Variants in COL1A2 observed in about 807,000 individuals in gnomAD.
COL1A2 encodes the protein collagen alpha-2(I) chain.
COL1A2 carries 49 observed loss-of-function variants against 174.3 expected under a neutral mutation model. The ratio of observed to expected loss-of-function variants is 0.28; its 90% CI spans 0.22 to 0.36. The LOEUF is 0.36. COL1A2 is among the 10% of genes least tolerant of loss of function. The probability of loss-of-function intolerance (pLI) is 1.00; values close to 1 mark genes in which losing one functional copy is unlikely to be tolerated. For synonymous variants in COL1A2, 655 were observed against 606.6 expected, an observed-to-expected ratio of 1.08 and a Z score of -1.17; for missense variants, 1,438 against 1,822.7, an observed-to-expected ratio of 0.79 and a Z score of 3.84.
chr7:94,420,770 G>C, intron 37 of COL1A2, 122 bp downstream of exon 37: 2 of 1,009,176 alleles, frequency 2.0e-6, no homozygotes, highest in South Asian at 2.8e-5. Context: ...GGAAAATAAC[G>C]GAAGGATTAA....
At chr7:94,421,352 C>T in intron 38 of COL1A2, 1 of 487,886 alleles carries the variant, frequency 2.0e-6, no homozygotes, top group Non-Finnish European at 3.7e-6. Context: ...GCCCCTTCTT[C>T]TGCCTGACCA....
At position 94,424,737 on chromosome 7, in the gene COL1A2, A is replaced by G. The variant is rs187546067; in HGVS notation, c.2673+294A>G. 4.2e-4 allele frequency: 198 copies of G among 473,856 alleles called. 1 individual carries two copies. In the East Asian group the frequency reaches 7.4e-3, roughly 18 times the overall value. The allele number at this position is 473,856 out of a possible 1,614,324, so 29.4% of individuals were successfully genotyped here. On this transcript the variant is annotated intron_variant, in intron 41 of 51. Coordinates refer to ENST00000297268, the MANE Select transcript of COL1A2 (RefSeq NM_000089.4). ...CTCCTCTGCAATATGAAATGCTGGC[A>G]TCATTTATCCTGTAGGAAGAATGAA...
chr7:94,402,357 T>G (rs1321133654), intron 6 of COL1A2, among the ~76,000 whole-genome samples: 1 of 152,122 alleles, frequency 6.6e-6, no homozygotes, highest in Non-Finnish European at 1.5e-5. Context: ...AATGTTTCTT[T>G]TTCTGAATTT....
At position 94,430,505 on chromosome 7, in the gene COL1A2, C is replaced by G; in HGVS notation, c.*112C>G. On this transcript the variant is annotated 3_prime_UTR_variant, in exon 52 of 52. Transcript: ENST00000297268. ...GAATCCTTCCATTTCTTCTGCACATCTACTTGCTTAAATTGTGGGCAAAAG... is the reference window on the plus strand; with the variant it reads ...GAATCCTTCCATTTCTTCTGCACATGTACTTGCTTAAATTGTGGGCAAAAG... 1.8e-6 allele frequency: 2 copies of G among 1,130,338 alleles called. No homozygotes were observed. The highest frequency in any genetic ancestry group is 2.6e-6 in the Non-Finnish European group (2 of 771,500). The allele number at this position is 1,130,338 out of a possible 1,614,324, so 70.0% of individuals were successfully genotyped here.
At chr7:94,425,894 C>T (rs574503471) in intron 44 of COL1A2, 37 bp downstream of exon 44, 1 of 1,605,664 alleles carries the variant, frequency 6.2e-7, no homozygotes, top group African/African-American at 1.3e-5. Context: ...GTGCAGCATT[C>T]TCGTGGGCTT....
chr7:94,402,508 C>CT (rs1791706886), intron 6 of COL1A2, among the ~76,000 whole-genome samples: 1 of 151,762 alleles, frequency 6.6e-6, no homozygotes, highest in Non-Finnish European at 1.5e-5. Flanking sequence ...GAAACATTCC[C>CT]TATATGATGA....
chr7:94,411,781 A>G (rs951480294), intron 23 of COL1A2, among the ~76,000 whole-genome samples: 4 of 152,246 alleles, frequency 2.6e-5, no homozygotes, highest in Non-Finnish European at 4.4e-5. Flanking sequence ...GAGGTAAATA[A>G]CGTGATACAT....
chr7:94,429,517 G>A (rs544020001), intron 51 of COL1A2, 87 bp downstream of exon 51: 8 of 1,466,348 alleles, frequency 5.5e-6, no homozygotes, highest in Admixed American at 1.7e-5. Flanking sequence ...GGGGTCTAAA[G>A]GGGGGTTAAA....
chr7:94,413,180 C>T (rs780850326), intron 26 of COL1A2, 44 bp downstream of exon 26: 2 of 1,571,042 alleles, frequency 1.3e-6, no homozygotes, highest in East Asian at 4.5e-5. Context: ...TAGCATTCAT[C>T]TAAGAACCAC....
chr7:94,405,845 G>C (rs1194865364), intron 11 of COL1A2, 119 bp downstream of exon 11: 10 of 900,974 alleles, frequency 1.1e-5, no homozygotes, highest in Non-Finnish European at 1.9e-5. Flanking sequence ...GTTTGCCAAA[G>C]GGAAGAAAGA....
intron 22 of COL1A2, 28 bp from the exon 23 acceptor site, chr7:94,411,025 CTCT>C (rs758534367): frequency 8.0e-5 from 127 of 1,593,326 alleles, no homozygotes; most frequent in Non-Finnish European, 1.1e-4. Context: ...CATCCTCCTC[CTCT>C]ATCTGTTTTT....
chr7:94,419,988 C>T (rs182817693), intron 34 of COL1A2, among the ~76,000 whole-genome samples: 145 of 152,322 alleles, frequency 9.5e-4, no homozygotes, highest in Non-Finnish European at 1.6e-3. Flanking sequence ...AAAATGTCCT[C>T]CTCCTGGTAT....
chr7:94,400,043 C>T (rs769088051), intron 4 of COL1A2, 153 bp from the exon 5 acceptor site: 20 of 800,146 alleles, frequency 2.5e-5, no homozygotes, highest in Non-Finnish European at 3.8e-5. Flanking sequence ...AAAATAGACT[C>T]ATAAGTGAAT....
intron 42 of COL1A2, 142 bp from the exon 43 acceptor site, chr7:94,425,468 G>T: frequency 1.0e-6 from 1 of 953,934 alleles, no homozygotes. Flanking sequence ...TAGGTTGGCA[G>T]GTTTTTATCC....
At chr7:94,427,990 C>A in intron 49 of COL1A2, 105 bp downstream of exon 49, 2 of 1,260,656 alleles carry the variant, frequency 1.6e-6, no homozygotes, top group Non-Finnish European at 2.3e-6. Flanking sequence ...GTAAAGATTA[C>A]ATTATGTGAA....
In COL1A2 at chr7:94,406,333, A is replaced by G. The variant is rs533905303; in HGVS notation, c.594+30A>G. ...ATATTAAATTAGAAGCACTGTTTTT[A>G]AGCACTTGATTGAAATTCCCCATGA... is the stretch of plus-strand genomic sequence containing the variant. On this transcript the variant is annotated intron_variant, in intron 12 of 51. Coordinates refer to ENST00000297268, the MANE Select transcript of COL1A2 (RefSeq NM_000089.4). 6.8e-6 allele frequency: 11 copies of G among 1,610,200 alleles called. 1 individual carries two copies. In the South Asian group the frequency reaches 7.7e-5, roughly 11 times the overall value.
chr7:94,405,335 A>ATCTATGTTGTCATTT, intron 10 of COL1A2, 83 bp downstream of exon 10: 4 of 1,318,924 alleles, frequency 3.0e-6, no homozygotes, highest in Non-Finnish European at 4.3e-6. Context: ...TCTAAATGAC[A>ATCTATGTTGTCATTT]ACATAGATGT....
rs1792376899 is a variant in COL1A2, at chr7:94,430,471, C to T, written c.*78C>T. 5 of 1,440,676 alleles carry T rather than the reference C, an allele frequency of 3.5e-6. No individual in the cohort carries two copies. The Admixed American group carries it at 6.8e-5, about 20-fold the overall frequency. 89.2% of individuals were successfully genotyped at this position (1,440,676 alleles called of 1,614,324 possible). On this transcript the variant is annotated 3_prime_UTR_variant, in exon 52 of 52. Coordinates refer to ENST00000297268, the MANE Select transcript of COL1A2 (RefSeq NM_000089.4). Reference sequence around the variant, plus strand: ...GCCATTTCTTCTTCTTCTTTTTTAACTGAAAGCTGAATCCTTCCATTTCTT... The same window carrying T: ...GCCATTTCTTCTTCTTCTTTTTTAATTGAAAGCTGAATCCTTCCATTTCTT...
At chr7:94,429,627 A>G in intron 51 of COL1A2, 197 bp downstream of exon 51, 1 of 564,938 alleles carries the variant, frequency 1.8e-6, no homozygotes, top group Non-Finnish European at 3.1e-6. Flanking sequence ...TCGTACTTAA[A>G]TTCAGATGAT....
Sources: allele counts gnomAD v4.1 joint callset (sites outside exome capture counted in the v4.1 genomes callset), GRCh38; gene constraint gnomAD v4.1.1; transcripts MANE v1.5; gene names NCBI Gene and HGNC (gene_info 2026-07-23, HGNC 2026-07-21).